The following PWWP2A variants were observed in gnomAD, a reference collection of about 807,000 sequenced individuals.
PWWP2A encodes PWWP domain-containing protein 2A.
PWWP2A carries 18 observed loss-of-function variants against 48.5 expected under a neutral mutation model. The observed-to-expected ratio is 0.37, with a 90% CI of 0.26 to 0.55. The LOEUF is 0.55. PWWP2A is among the 20% of genes least tolerant of loss of function. The pLI is 0.81. For missense variants in PWWP2A, 867 were observed against 976.4 expected (o/e 0.89, Z 1.49); for synonymous variants, 396 against 387.7 (o/e 1.02, Z -0.25).
intron 4 of PWWP2A, among the ~76,000 whole-genome samples, chr5:160,063,956 T>C (rs1753514469): frequency 6.9e-6 from 1 of 145,504 alleles, no homozygotes; most frequent in South Asian, 2.2e-4. Context: ...CCGCTGGCTA[T>C]AGACCATGAC....
Position 160,118,964 on chromosome 5 carries a change from G to C in PWWP2A, c.425C>G (p.Ala142Gly). 1 of 1,598,016 alleles carries C rather than the reference G, an allele frequency of 6.3e-7. No homozygotes were observed. Among genetic ancestry groups the C allele is most frequent in the Non-Finnish European group, 8.5e-7 (1 of 1,173,990 alleles). Reference sequence around the variant, plus strand: ...GTCCCCGCCCGCCGGCGGCACGAGCGCCGGGGCTACGGGCTGAGGCAGCGG... The same window carrying C: ...GTCCCCGCCCGCCGGCGGCACGAGCCCCGGGGCTACGGGCTGAGGCAGCGG... ...EPPLPQPVAPALVPPAGGDST... is the reference protein window; with the variant it reads ...EPPLPQPVAPGLVPPAGGDST... Residue 142 changes from alanine to glycine, a missense_variant, in exon 1 of 2, where the codon GCG becomes GGG. Physicochemically the swap from Ala to Gly is moderately conservative, Grantham distance 60. This residue lies in a region of PWWP2A where 385 missense variants were observed against 396.9 expected (regional missense o/e 0.97). Coordinates refer to ENST00000307063, the MANE Select transcript of PWWP2A (RefSeq NM_001130864.2).
chr5:160,046,021 A>C, the PWWP2A span, among the ~76,000 whole-genome samples: 2 of 152,136 alleles, frequency 1.3e-5, no homozygotes, highest in Admixed American at 6.6e-5. Flanking sequence ...GATTACAGGC[A>C]TGAGCCACTG....
At chr5:160,079,597 G>A (rs2113464152) in intron 3 of PWWP2A, among the ~76,000 whole-genome samples, 1 of 152,256 alleles carries the variant, frequency 6.6e-6, no homozygotes, top group East Asian at 1.9e-4. Context: ...ACTGAAGGAA[G>A]AAAAGGTAAA....
At chr5:160,051,843 G>A in the PWWP2A span, among the ~76,000 whole-genome samples, 28 of 152,292 alleles carry the variant, frequency 1.8e-4, no homozygotes, top group African/African-American at 6.7e-4. Flanking sequence ...CTGATATTTC[G>A]CTGGTGAAGA....
chr5:160,119,162 C>T lies in PWWP2A; in HGVS notation c.227G>A (p.Gly76Glu). ...PPLPPPPPPP[G>E]ELARSPEAVG... ...CGCCTCTGGGCTGCGGGCGAGCTCC[C>T]CCGGCGGCGGCGGTGGCGGCGGGAG... The change falls in exon 1 of 2, where the codon GGG becomes GAG. Residue 76 changes from glycine (G) to glutamate (E), a missense_variant. By Grantham distance (98) the Gly-to-Glu change is moderately conservative. Coordinates refer to ENST00000307063, the MANE Select transcript of PWWP2A (RefSeq NM_001130864.2). 1.3e-6 allele frequency: 2 copies of T among 1,531,892 alleles called. No individual in the cohort carries two copies. Among genetic ancestry groups the T allele is most frequent in the Non-Finnish European group, 1.7e-6 (2 of 1,155,476 alleles). The allele number at this position is 1,531,892 out of a possible 1,614,324, so 94.9% of individuals were successfully genotyped here. A position where few individuals can be genotyped will look rare whatever the true frequency, so the allele number is the denominator to read the frequency against.
chr5:160,106,098 T>G (rs73311202), intron 1 of PWWP2A, among the ~76,000 whole-genome samples: 1,954 of 152,320 alleles, frequency 0.013, 48 homozygotes, highest in African/African-American at 0.045. Flanking sequence ...TGTTGCCTGG[T>G]TGAGTGAGGA....
chr5:160,057,772 G>A (rs999831062), downstream of PWWP2A, among the ~76,000 whole-genome samples: 22 of 150,434 alleles, frequency 1.5e-4, no homozygotes, highest in African/African-American at 9.7e-5. This position sits in a 1 kb window ranked among gnomAD's most constrained non-coding sequence, Gnocchi z 4.4. Flanking sequence ...GGGTTTGTGC[G>A]TGTGTGTGTG....
chr5:160,108,891 C>A (rs1757162118), intron 1 of PWWP2A, among the ~76,000 whole-genome samples: 1 of 152,182 alleles, frequency 6.6e-6, no homozygotes. Flanking sequence ...GTTGCCAAGG[C>A]TGGTTCAAAC....
At chr5:160,066,794 C>CT (rs1753622631) in exon 3 of PWWP2A, 1 of 151,972 alleles carries the variant, frequency 6.6e-6, no homozygotes, top group African/African-American at 2.4e-5. Flanking sequence ...AATCACAGTA[C>CT]TTTGGGAGGC....
Position 160,119,380 on chromosome 5 carries a change from GGCC to G in PWWP2A, c.6_8del (p.Ala3del), listed in dbSNP as rs1758493294. 7.8e-7 allele frequency: 1 copy of G among 1,278,146 alleles called. No individual in the cohort carries two copies. The highest frequency in any genetic ancestry group is 1.6e-5 in the African/African-American group (1 of 61,394). 79.2% of individuals were successfully genotyped at this position (1,278,146 alleles called of 1,614,324 possible). A position where few individuals can be genotyped will look rare whatever the true frequency, so the allele number is the denominator to read the frequency against. On this transcript the variant is annotated inframe_deletion, in exon 1 of 2. Transcript: ENST00000307063. ...CAGTCGCTGCCGCCTCTGCAGCCAC[GGCC>G]GCCATTTTCTTCCTAGCTTCTCCCT...
chr5:160,095,292 C>T (rs935961740), intron 1 of PWWP2A, among the ~76,000 whole-genome samples: 3 of 151,994 alleles, frequency 2.0e-5, no homozygotes, highest in East Asian at 3.8e-4. Flanking sequence ...GTATCTAATA[C>T]GAATCTTTAA....
At chr5:160,056,016 G>A in the PWWP2A span, among the ~76,000 whole-genome samples, 1 of 152,182 alleles carries the variant, frequency 6.6e-6, no homozygotes, top group Non-Finnish European at 1.5e-5. Context: ...CTTGCCCCAG[G>A]TGCTGGGTAG....
intron 1 of PWWP2A, among the ~76,000 whole-genome samples, chr5:160,098,257 C>G (rs553329460): frequency 6.6e-6 from 1 of 152,030 alleles, no homozygotes; most frequent in Admixed American, 6.6e-5. Context: ...GAAGAAGCAC[C>G]TAATTGTGTA....
chr5:160,049,577 C>T, the PWWP2A span: 115 of 1,610,676 alleles, frequency 7.1e-5, 1 homozygote, highest in South Asian at 9.7e-4. Flanking sequence ...TATGAGAAGA[C>T]GGACAAGCTA....
In PWWP2A at chr5:160,119,140, C is replaced by T; in HGVS notation, c.249G>A (p.Glu83=). 1 of 1,565,534 alleles carries T rather than the reference C, an allele frequency of 6.4e-7. No homozygotes were observed. Among genetic ancestry groups the T allele is most frequent in the Non-Finnish European group, 8.6e-7 (1 of 1,167,112 alleles). The part of the protein sequence containing the change: ...PPPGELARSP[E]AVGPELEAEE... ...CAGCCTCCAGCTCCGGCCCCACCGC[C>T]TCTGGGCTGCGGGCGAGCTCCCCCG... is the stretch of plus-strand genomic sequence containing the variant. Residue 83 remains glutamate, a synonymous_variant, in exon 1 of 2, where the codon GAG becomes GAA. Transcript: ENST00000307063.
the PWWP2A span, among the ~76,000 whole-genome samples, chr5:160,055,266 G>A: frequency 8.3e-4 from 127 of 152,262 alleles, no homozygotes; most frequent in Admixed American, 2.2e-3. Flanking sequence ...ATATATTTTT[G>A]GTTCTTCCTT....
the PWWP2A span, among the ~76,000 whole-genome samples, chr5:160,045,518 A>ACTCT: frequency 1.8e-4 from 12 of 65,720 alleles, no homozygotes; most frequent in African/African-American, 3.9e-4. Flanking sequence ...ACACACATAC[A>ACTCT]CACTCTCTCT....
chr5:160,048,025 A>G, the PWWP2A span, among the ~76,000 whole-genome samples: 1 of 151,644 alleles, frequency 6.6e-6, no homozygotes, highest in African/African-American at 2.4e-5. Context: ...ACTACATTGG[A>G]CGTATATATT....
rs1313132291 is a variant in PWWP2A at position 160,119,055 on chromosome 5, C to T, written c.334G>A (p.Glu112Lys). Residue 112 changes from glutamate (E) to lysine (K), a missense_variant, in exon 1 of 2, where the codon GAA (glutamate) becomes AAA (lysine). Around this residue, in one of 4 missense-constraint regions of PWWP2A, gnomAD observed 385 missense variants for 396.9 expected, o/e 0.97. Transcript: ENST00000307063. ...GGCGATGCAGGAGAAGGTGGAAGTT[C>T]CGGCCCTCCCTGAGGCGCGGCTGCC... is the stretch of plus-strand genomic sequence containing the variant. Reference protein sequence around the residue: ...SAAAAPQGGPELPPSPASPPE... With the variant: ...SAAAAPQGGPKLPPSPASPPE... The T allele has an allele frequency of 6.3e-7, 1 of 1,592,460 alleles. No individual in the cohort carries two copies. Among genetic ancestry groups the T allele is most frequent in the Non-Finnish European group, 8.5e-7 (1 of 1,176,472 alleles).
Sources: allele counts gnomAD v4.1 joint callset (sites outside exome capture counted in the v4.1 genomes callset), GRCh38; gene constraint gnomAD v4.1.1; regional missense constraint gnomAD v4.1.1; non-coding constraint Gnocchi (gnomAD v3.1); transcripts MANE v1.5; gene names NCBI Gene and HGNC (gene_info 2026-07-23, HGNC 2026-07-21).